Variants in PHLDB2 observed in about 807,000 individuals in gnomAD.
PHLDB2 encodes the protein pleckstrin homology-like domain family B member 2.
In PHLDB2, 71 loss-of-function variants were observed where a neutral mutation model predicts 123.6. The ratio of observed to expected loss-of-function variants is 0.57; its 90% confidence interval spans 0.47 to 0.70. The LOEUF is 0.70. Ranked by LOEUF, PHLDB2 falls within the 30% of genes least tolerant of loss-of-function variation. The pLI is 0.00. For synonymous variants in PHLDB2, 547 were observed against 541.6 expected (o/e 1.01, Z -0.14); for missense variants, 1,446 against 1,519.5 (o/e 0.95, Z 0.80).
At chr3:111,752,423 TTA>T (rs2059796538) in intron 1 of PHLDB2, among the ~76,000 whole-genome samples, 1 of 152,162 alleles carries the variant, frequency 6.6e-6, no homozygotes, top group East Asian at 1.9e-4. Context: ...TGTTTTCACA[TTA>T]ATATTTTATT....
At position 111,780,461 on chromosome 3, in the gene PHLDB2, C is replaced by T. The variant is rs540792196; in HGVS notation, c.-49+47758C>T. ...TGTTTCACATGCCTTGCTTTCTTTT[C>T]CATTATGAAATAACACAGCAATAAG... On this transcript the variant is annotated intron_variant, in intron 1 of 17. Transcript: ENST00000393923. Among the ~76,000 whole-genome samples the T allele has an allele frequency of 2.7e-5, 4 of 150,322 alleles. No individual in the cohort carries two copies. In the South Asian group the frequency reaches 8.4e-4, roughly 32 times the overall value.
At chr3:111,739,678 C>G (rs1232849947) in intron 1 of PHLDB2, among the ~76,000 whole-genome samples, 1 of 151,936 alleles carries the variant, frequency 6.6e-6, no homozygotes, top group African/African-American at 2.4e-5. Flanking sequence ...GTCTCCCTGC[C>G]TCTCCCTGAG....
chr3:111,816,518 T>C (rs1359233939), intron 1 of PHLDB2, among the ~76,000 whole-genome samples: 1 of 152,176 alleles, frequency 6.6e-6, no homozygotes, highest in Non-Finnish European at 1.5e-5. Context: ...TGGTCTTGCA[T>C]GGGGCCTGGA....
At chr3:111,906,976 G>A (rs2067579522) in intron 2 of PHLDB2, among the ~76,000 whole-genome samples, 1 of 152,222 alleles carries the variant, frequency 6.6e-6, no homozygotes, top group African/African-American at 2.4e-5. Context: ...ATAAAATAAT[G>A]TGTGGCTAAG....
intron 1 of PHLDB2, among the ~76,000 whole-genome samples, chr3:111,764,129 T>G (rs2060039399): frequency 6.6e-6 from 1 of 152,154 alleles, no homozygotes; most frequent in Non-Finnish European, 1.5e-5. Context: ...CCTCTTTAAA[T>G]CCACTTTCCC....
chr3:111,782,737 A>G (rs886077136), intron 1 of PHLDB2, among the ~76,000 whole-genome samples: 8 of 152,122 alleles, frequency 5.3e-5, no homozygotes, highest in Admixed American at 1.3e-4. Context: ...CTTCTTAACA[A>G]TAAATTCCAT....
intron 12 of PHLDB2, chr3:111,958,211 C>T: frequency 2.1e-6 from 2 of 941,570 alleles, no homozygotes; most frequent in Non-Finnish European, 2.5e-6. Flanking sequence ...TTTCTACAAT[C>T]ATTCTCCCTC....
chr3:111,952,488 T>A, intron 10 of PHLDB2, 84 bp from the exon 11 acceptor site: 1 of 1,460,924 alleles, frequency 6.8e-7, no homozygotes, highest in Non-Finnish European at 9.2e-7. Context: ...CAGTTTTTTT[T>A]GTAAGTGCAT....
rs2070799525 is a variant in PHLDB2, at chr3:111,952,853, TC to T, written c.2772+142del. On this transcript the variant is annotated intron_variant, in intron 11 of 17. Transcript: ENST00000431670. ...TTGTTAGGCAGACATCAGGACTAAA[TC>T]TCATTTTCTACCTGTTCAGAGGACA... 5.8e-6 allele frequency: 6 copies of T among 1,028,058 alleles called. No individual in the cohort carries two copies. In the South Asian group the frequency reaches 1.1e-4, roughly 18 times the overall value. The allele number at this position is 1,028,058 out of a possible 1,614,324, so 63.7% of individuals were successfully genotyped here.
chr3:111,874,535 G>A (rs997407814), intron 1 of PHLDB2, among the ~76,000 whole-genome samples: 2 of 152,140 alleles, frequency 1.3e-5, no homozygotes, highest in Non-Finnish European at 2.9e-5. Context: ...ATTCAGGAGT[G>A]GGGGTTAACA....
At chr3:111,967,994 A>AAAAAAAAAC (rs1375148642) in intron 15 of PHLDB2, among the ~76,000 whole-genome samples, 170 bp downstream of exon 15, 1 of 151,080 alleles carries the variant, frequency 6.6e-6, no homozygotes, top group Non-Finnish European at 1.5e-5. Context: ...AAAAAAAAAA[A>AAAAAAAAAC]AAAAATGTGA....
intron 6 of PHLDB2, 38 bp from the exon 7 acceptor site, chr3:111,939,437 T>A: frequency 2.5e-6 from 4 of 1,575,962 alleles, no homozygotes; most frequent in Non-Finnish European, 3.4e-6. Flanking sequence ...GTGGTAGTTA[T>A]CTCAGTGTGT....
intron 1 of PHLDB2, among the ~76,000 whole-genome samples, chr3:111,780,310 G>GAAA (rs1177939799): frequency 3.7e-4 from 1 of 2,728 alleles, no homozygotes; most frequent in Non-Finnish European, 3.9e-3. Flanking sequence ...AGAGGAAGAG[G>GAAA]AAGAGGAAGA....
chr3:111,754,969 A>G lies in PHLDB2; in HGVS notation c.-49+22266A>G, dbSNP rs1559814044. ...GGATTACATTTATTGATTTGCATAT[A>G]TTGAACCAGACTTGCATCCCAGGGA... On this transcript the variant is annotated intron_variant, in intron 1 of 17. Coordinates refer to the PHLDB2 transcript ENST00000393923. Among the ~76,000 whole-genome samples the G allele has an allele frequency of 6.2e-5, 9 of 146,068 alleles. No homozygotes were observed. In the East Asian group the frequency reaches 8.4e-4, roughly 14 times the overall value.
intron 1 of PHLDB2, among the ~76,000 whole-genome samples, chr3:111,765,698 A>G (rs1218188506): frequency 1.3e-5 from 2 of 152,234 alleles, no homozygotes; most frequent in African/African-American, 4.8e-5. Flanking sequence ...TAGACAGTCT[A>G]TGGTGACATC....
At chr3:111,893,098 C>CCT (rs2066599811) in intron 2 of PHLDB2, among the ~76,000 whole-genome samples, 4 of 152,030 alleles carry the variant, frequency 2.6e-5, no homozygotes, top group East Asian at 3.9e-4. Context: ...CTGACCACCC[C>CCT]CCCAAAATAA....
chr3:111,925,535 G>T (rs2068763860), intron 5 of PHLDB2, among the ~76,000 whole-genome samples: 1 of 152,182 alleles, frequency 6.6e-6, no homozygotes, highest in African/African-American at 2.4e-5. Flanking sequence ...AATCTGGAGG[G>T]TATATTTACT....
At chr3:111,853,564 T>G (rs1350507609) in intron 2 of PHLDB2, among the ~76,000 whole-genome samples, 1 of 152,102 alleles carries the variant, frequency 6.6e-6, no homozygotes, top group African/African-American at 2.4e-5. Flanking sequence ...GGTACCTACA[T>G]TAACACACTG....
intron 1 of PHLDB2, among the ~76,000 whole-genome samples, chr3:111,787,969 G>A (rs1484440561): frequency 2.6e-5 from 4 of 152,036 alleles, no homozygotes; most frequent in Non-Finnish European, 5.9e-5. Context: ...AGAAATAGAG[G>A]GTAAGAAATC....
Sources: gnomAD v4.1 joint callset for allele counts (sites outside exome capture counted in the v4.1 genomes callset) on GRCh38, gnomAD v4.1.1 for gene constraint, MANE v1.5 for transcripts, NCBI Gene and HGNC (gene_info 2026-07-23, HGNC 2026-07-21) for gene names.